ADGRL3: variants seen among roughly 807,000 people sequenced by gnomAD.
ADGRL3 encodes the protein adhesion G protein-coupled receptor L3.
Under a neutral mutation model 153.5 loss-of-function variants are expected in ADGRL3, and 62 were observed. That is an observed-to-expected ratio of 0.40 (90% CI 0.33 to 0.50). The LOEUF is 0.50. Among genes scored for constraint, ADGRL3 ranks in the 20% least tolerant of loss-of-function variants. The pLI, the probability that ADGRL3 is intolerant of heterozygous loss-of-function variation, is 0.47. For synonymous variants in ADGRL3, 710 were observed against 672.5 expected, an observed-to-expected ratio of 1.06 and a Z score of -0.86; for missense variants, 1,641 against 1,859.4, an observed-to-expected ratio of 0.88 and a Z score of 2.16.
chr4:61,652,550 T>G (rs2094298805), intron 5 of ADGRL3, among the ~76,000 whole-genome samples: 1 of 152,166 alleles, frequency 6.6e-6, no homozygotes. Flanking sequence ...ATATTTACTA[T>G]CTGAACTTTT....
intron 1 of ADGRL3, 78 bp from the exon 2 acceptor site, chr4:61,383,046 A>G (rs566005198): frequency 1.3e-5 from 2 of 151,842 alleles, no homozygotes; most frequent in Admixed American, 6.6e-5. Context: ...TATTCAAAGC[A>G]TTCTACAACT....
intron 5 of ADGRL3, among the ~76,000 whole-genome samples, chr4:61,608,002 G>T (rs113073157): frequency 6.6e-6 from 1 of 152,144 alleles, no homozygotes; most frequent in African/African-American, 2.4e-5. Flanking sequence ...CACCATCTTC[G>T]CAAAGGTAGT....
intron 6 of ADGRL3, among the ~76,000 whole-genome samples, chr4:61,699,544 T>G (rs1181125704): frequency 6.6e-6 from 1 of 152,022 alleles, no homozygotes; most frequent in Non-Finnish European, 1.5e-5. Flanking sequence ...AGAAGTTTGT[T>G]GAAGGGCTTA....
At chr4:61,868,980 A>G (rs1220797466) in intron 9 of ADGRL3, among the ~76,000 whole-genome samples, 3 of 152,134 alleles carry the variant, frequency 2.0e-5, no homozygotes, top group African/African-American at 4.8e-5. Context: ...ACCAGGCTAG[A>G]GTATAGCAGC....
intron 1 of ADGRL3, among the ~76,000 whole-genome samples, chr4:61,214,624 A>T (rs1403390068): frequency 1.3e-5 from 2 of 152,160 alleles, no homozygotes; most frequent in Non-Finnish European, 2.9e-5. Flanking sequence ...TCAGTTAGAG[A>T]TCTGTCTGTA....
At chr4:61,873,103 C>T (rs955816243) in intron 9 of ADGRL3, among the ~76,000 whole-genome samples, 18 of 152,122 alleles carry the variant, frequency 1.2e-4, no homozygotes, top group African/African-American at 3.6e-4. Flanking sequence ...AACTTGAGAA[C>T]GCATCTATGA....
chr4:61,336,113 T>G (rs967808190), intron 1 of ADGRL3, among the ~76,000 whole-genome samples: 30 of 152,174 alleles, frequency 2.0e-4, no homozygotes, highest in Non-Finnish European at 3.7e-4. Context: ...TTATTTATTG[T>G]GTATAGAATG....
At chr4:61,845,296 CT>C (rs2098101998) in intron 9 of ADGRL3, among the ~76,000 whole-genome samples, 2 of 151,760 alleles carry the variant, frequency 1.3e-5, no homozygotes, top group African/African-American at 4.8e-5. Context: ...TTTTTCTCTT[CT>C]TCTCTTTTTG....
chr4:61,459,366 A>G (rs142784017), intron 2 of ADGRL3, among the ~76,000 whole-genome samples: 75 of 152,100 alleles, frequency 4.9e-4, no homozygotes, highest in Admixed American at 6.5e-4. Flanking sequence ...GAAAAATGCT[A>G]TGGAGGAAAA....
In ADGRL3 at chr4:61,937,794, A is replaced by G. The variant is rs571056435; in HGVS notation, c.2419+1749A>G. Among the ~76,000 whole-genome samples, 24 of 152,334 alleles carry G rather than the reference A, an allele frequency of 1.6e-4. No homozygotes were observed. In the East Asian group the frequency reaches 4.4e-3, roughly 28 times the overall value. ...ACATCTATATACTCACTACTTACGT[A>G]TACAATAAATGTGTGAACCTTCAGA... On this transcript the variant is annotated intron_variant, in intron 15 of 26. Transcript: ENST00000683033.
At chr4:62,046,187 C>A (rs2151701187) in intron 25 of ADGRL3, among the ~76,000 whole-genome samples, 1 of 151,742 alleles carries the variant, frequency 6.6e-6, no homozygotes, top group African/African-American at 2.4e-5. Flanking sequence ...ATTTAATGAT[C>A]CCGGAAGCCA....
intron 4 of ADGRL3, among the ~76,000 whole-genome samples, chr4:61,571,415 A>G (rs1042120419): frequency 6.6e-6 from 1 of 152,138 alleles, no homozygotes; most frequent in Non-Finnish European, 1.5e-5. Context: ...CAGGAGGCTG[A>G]GACGAGAGGA....
chr4:61,204,875 T>G (rs559867045), intron 1 of ADGRL3, among the ~76,000 whole-genome samples: 1 of 152,300 alleles, frequency 6.6e-6, no homozygotes, highest in South Asian at 2.1e-4. Context: ...GGTGTGATTA[T>G]CCTTCAGACT....
intron 5 of ADGRL3, among the ~76,000 whole-genome samples, chr4:61,656,373 A>G: frequency 6.6e-6 from 1 of 151,940 alleles, no homozygotes; most frequent in Admixed American, 6.6e-5. Flanking sequence ...GGGGGGGGTG[A>G]AATATACAAA....
At chr4:61,885,322 C>T (rs2098532196) in intron 9 of ADGRL3, among the ~76,000 whole-genome samples, 1 of 152,084 alleles carries the variant, frequency 6.6e-6, no homozygotes, top group African/African-American at 2.4e-5. Context: ...GAGTGAAACT[C>T]CTTCTCAGAA....
chr4:61,595,458 G>T (rs2098985225), intron 5 of ADGRL3, among the ~76,000 whole-genome samples: 1 of 152,076 alleles, frequency 6.6e-6, no homozygotes, highest in South Asian at 2.1e-4. Flanking sequence ...ATGTCATCTA[G>T]GAGCTATGGC....
intron 1 of ADGRL3, 142 bp downstream of exon 1, chr4:61,201,907 A>G (rs1392134344): frequency 6.6e-6 from 1 of 152,444 alleles, no homozygotes; most frequent in Non-Finnish European, 1.5e-5. Flanking sequence ...TCACACACAC[A>G]CACACTCATC....
intron 21 of ADGRL3, among the ~76,000 whole-genome samples, chr4:62,002,573 T>A (rs1193976066): frequency 6.6e-6 from 1 of 151,796 alleles, no homozygotes; most frequent in East Asian, 1.9e-4. Context: ...TAATAAAAAA[T>A]AGAGTGAAGT....
intron 2 of ADGRL3, among the ~76,000 whole-genome samples, chr4:61,454,546 G>C (rs1578951808): frequency 6.6e-6 from 1 of 152,044 alleles, no homozygotes; most frequent in Non-Finnish European, 1.5e-5. Context: ...ACCTTGGATA[G>C]TTAACATGAA....
Sources: allele counts gnomAD v4.1 joint callset (sites outside exome capture counted in the v4.1 genomes callset), GRCh38; gene constraint gnomAD v4.1.1; transcripts MANE v1.5; gene names NCBI Gene and HGNC (gene_info 2026-07-23, HGNC 2026-07-21).